FIG4: variants seen among roughly 807,000 people sequenced by gnomAD.
The protein encoded by FIG4 is FIG4 phosphoinositide 5-phosphatase.
In FIG4, 112 loss-of-function variants were observed where a neutral mutation model predicts 118.6. That is an observed-to-expected ratio of 0.94 (90% CI 0.81 to 1.11). The LOEUF (loss-of-function observed/expected upper bound fraction) is 1.11, where lower values mean the gene tolerates loss of function less well. Among genes scored for constraint, FIG4 ranks in the 50% least tolerant of loss-of-function variants. FIG4 has a pLI of 0.00. For synonymous variants in FIG4, 369 were observed against 381.2 expected, an observed-to-expected ratio of 0.97 and a Z score of 0.37; for missense variants, 969 against 1,111.7, an observed-to-expected ratio of 0.87 and a Z score of 1.83.
intron 15 of FIG4, among the ~76,000 whole-genome samples, chr6:109,776,461 G>C (rs1278580048): frequency 1.3e-5 from 2 of 152,096 alleles, no homozygotes; most frequent in East Asian, 1.9e-4. Flanking sequence ...CAACTGACTT[G>C]TTCAAGGTTG....
intron 3 of FIG4, among the ~76,000 whole-genome samples, chr6:109,726,160 A>G (rs78727760): frequency 2.6e-5 from 4 of 152,188 alleles, no homozygotes; most frequent in Admixed American, 2.6e-4. Flanking sequence ...TGTTTTAGAC[A>G]TGAAGCCTTT....
intron 19 of FIG4, 121 bp downstream of exon 19, chr6:109,789,798 T>A: frequency 1.4e-6 from 1 of 723,838 alleles, no homozygotes; most frequent in Non-Finnish European, 2.5e-6. Context: ...AACACTGGGA[T>A]CACTAAGGTG....
chr6:109,763,500 A>G (rs898561055), intron 12 of FIG4, among the ~76,000 whole-genome samples: 8 of 152,372 alleles, frequency 5.3e-5, no homozygotes, highest in African/African-American at 1.9e-4. Context: ...GAAATATAAC[A>G]AAGCCTCTAT....
intron 22 of FIG4, among the ~76,000 whole-genome samples, chr6:109,803,451 C>G (rs2128399449): frequency 1.3e-5 from 2 of 152,070 alleles, no homozygotes; most frequent in South Asian, 2.1e-4. Flanking sequence ...GCCAGGATAG[C>G]AAATATACAA....
intron 6 of FIG4, among the ~76,000 whole-genome samples, chr6:109,737,483 G>A (rs927563855): frequency 1.3e-5 from 2 of 152,042 alleles, no homozygotes; most frequent in African/African-American, 4.8e-5. Context: ...CATTGAAAGG[G>A]CAGAGAAAGT....
intron 22 of FIG4, among the ~76,000 whole-genome samples, chr6:109,803,769 T>TC (rs1778490861): frequency 2.6e-5 from 2 of 77,702 alleles, no homozygotes; most frequent in Admixed American, 3.3e-4. Flanking sequence ...CCTTCCCCCC[T>TC]CCCCCCACCC....
chr6:109,706,479 T>C (rs558310135), intron 1 of FIG4, among the ~76,000 whole-genome samples: 11 of 152,292 alleles, frequency 7.2e-5, no homozygotes, highest in Non-Finnish European at 1.5e-4. Context: ...TGCTCTTCTC[T>C]CCCGAGGACA....
At chr6:109,741,309 C>T in intron 7 of FIG4, 135 bp from the exon 8 acceptor site, 2 of 759,286 alleles carry the variant, frequency 2.6e-6, no homozygotes, top group Non-Finnish European at 4.8e-6. Flanking sequence ...AGTGCTGTTC[C>T]ATTCTTGGGT....
At chr6:109,759,958 T>A (rs192177491) in intron 10 of FIG4, among the ~76,000 whole-genome samples, 3 of 152,296 alleles carry the variant, frequency 2.0e-5, no homozygotes, top group Admixed American at 1.3e-4. Flanking sequence ...GTGTGGAGTG[T>A]GTGGGCCATG....
intron 10 of FIG4, among the ~76,000 whole-genome samples, chr6:109,755,161 A>G (rs930730545): frequency 2.8e-4 from 43 of 152,140 alleles, no homozygotes; most frequent in Non-Finnish European, 6.0e-4. Flanking sequence ...GGTTTCAAAG[A>G]ACATCTTTAT....
intron 19 of FIG4, 111 bp from the exon 20 acceptor site, chr6:109,791,265 C>A: frequency 1.1e-6 from 1 of 898,774 alleles, no homozygotes; most frequent in Non-Finnish European, 1.8e-6. Context: ...ACTAGTGTCA[C>A]AGTCATTTTC....
At position 109,778,298 on chromosome 6, in the gene FIG4, T is replaced by TAA. The variant is rs56412248; in HGVS notation, c.1889+1251_1889+1252dup. Among the ~76,000 whole-genome samples, 797 of 140,562 alleles carry TAA rather than the reference T, an allele frequency of 5.7e-3. 6 individuals carry two copies. The highest frequency in any genetic ancestry group is 0.02 in the African/African-American group (750 of 38,040). 92.2% of individuals were successfully genotyped at this position (140,562 alleles called of 152,430 possible). ...CAACATGGTGAAACCCCATCTCTAC[T>TAA]AAAAAAAAAAAAAATACAAAAAATA... On this transcript the variant is annotated intron_variant, in intron 16 of 22. Transcript: ENST00000230124.
At chr6:109,815,496 C>CGGGGGGGGGGG (rs58181285) in intron 22 of FIG4, among the ~76,000 whole-genome samples, 2 of 106,508 alleles carry the variant, frequency 1.9e-5, no homozygotes, top group Admixed American at 1.9e-4. Flanking sequence ...CTCCAGGCTG[C>CGGGGGGGGGGG]CCCCCCCACC....
chr6:109,750,020 T>A (rs141029691), intron 10 of FIG4, among the ~76,000 whole-genome samples: 12 of 152,312 alleles, frequency 7.9e-5, no homozygotes, highest in African/African-American at 2.9e-4. Flanking sequence ...ACCTTATTAA[T>A]TGTGATTAAA....
In FIG4 at chr6:109,701,087, G is replaced by C. The variant is rs144287002; in HGVS notation, c.66+9586G>C. 5.3e-4 allele frequency among the ~76,000 whole-genome samples: 80 copies of C among 152,262 alleles called. 1 individual carries two copies. The East Asian group carries it at 0.013, about 25-fold the overall frequency. ...AATTGGGTAGACTTGCTCTGGAGGC[G>C]AAGTTCAGGTCGTTATTGTTCTCTG... On this transcript the variant is annotated intron_variant, in intron 1 of 22. Coordinates refer to ENST00000230124, the MANE Select transcript of FIG4 (RefSeq NM_014845.6).
intron 8 of FIG4, among the ~76,000 whole-genome samples, chr6:109,741,922 T>C (rs1776336533): frequency 6.6e-6 from 1 of 152,134 alleles, no homozygotes; most frequent in Admixed American, 6.6e-5. Flanking sequence ...TCAGTTCAGA[T>C]GCAACCATCG....
At chr6:109,732,529 G>A in intron 4 of FIG4, 108 bp from the exon 5 acceptor site, 1 of 698,426 alleles carries the variant, frequency 1.4e-6, no homozygotes, top group Non-Finnish European at 2.6e-6. Context: ...GAATTCCTCA[G>A]CTTTAATGAG....
chr6:109,777,324 A>G (rs1180011364), intron 16 of FIG4, among the ~76,000 whole-genome samples: 1 of 152,204 alleles, frequency 6.6e-6, no homozygotes, highest in African/African-American at 2.4e-5. Flanking sequence ...CAGTCTGGCC[A>G]CATGCTTGCC....
At chr6:109,732,761 A>T in intron 5 of FIG4, 74 bp downstream of exon 5, 1 of 873,220 alleles carries the variant, frequency 1.1e-6, no homozygotes, top group Admixed American at 1.8e-5. Flanking sequence ...TAAAAGCAGA[A>T]TGAGAACATA....
Sources: gnomAD v4.1 joint callset for allele counts (sites outside exome capture counted in the v4.1 genomes callset) on GRCh38, gnomAD v4.1.1 for gene constraint, MANE v1.5 for transcripts, NCBI Gene and HGNC (gene_info 2026-07-23, HGNC 2026-07-21) for gene names.